The following ARHGAP39 variants were observed in gnomAD, a reference collection of about 807,000 sequenced individuals.
ARHGAP39 encodes Rho GTPase activating protein 39.
ARHGAP39 carries 44 observed loss-of-function variants against 106.9 expected under a neutral mutation model. The observed-to-expected ratio is 0.41, with a 90% CI of 0.32 to 0.53. The LOEUF is 0.53. Among genes scored for constraint, ARHGAP39 ranks in the 20% least tolerant of loss-of-function variants. ARHGAP39 has a pLI of 0.21. For synonymous variants in ARHGAP39, 768 were observed against 693.2 expected, an observed-to-expected ratio of 1.11 and a Z score of -1.69; for missense variants, 1,496 against 1,577.3, an observed-to-expected ratio of 0.95 and a Z score of 0.87.
At chr8:144,659,606 C>A (rs1450566604) in intron 1 of ARHGAP39, among the ~76,000 whole-genome samples, 1 of 152,170 alleles carries the variant, frequency 6.6e-6, no homozygotes, top group Non-Finnish European at 1.5e-5. Flanking sequence ...AGGACATTTT[C>A]TAGACTATTT....
chr8:144,533,916 G>T (rs1816836618), intron 8 of ARHGAP39, among the ~76,000 whole-genome samples: 1 of 152,154 alleles, frequency 6.6e-6, no homozygotes, highest in African/African-American at 2.4e-5. Context: ...CCTGAGCTGG[G>T]GGTCCGGGCC....
In ARHGAP39 at chr8:144,614,509, C is replaced by T. The variant is rs189662107; in HGVS notation, c.-81-8814G>A. 4.0e-3 allele frequency among the ~76,000 whole-genome samples: 614 copies of T among 152,238 alleles called. 5 individuals carry two copies. The highest frequency in any genetic ancestry group is 4.2e-3 in the Non-Finnish European group (288 of 68,000). On this transcript the variant is annotated intron_variant, in intron 1 of 11. Coordinates refer to ENST00000377307, the MANE Select transcript of ARHGAP39 (RefSeq NM_025251.3). ...CTGGGATTACAGGTGCATGCCACCACGCCCAGCTAATTTTTGTATTTTCAG... is the reference window on the plus strand; with the variant it reads ...CTGGGATTACAGGTGCATGCCACCATGCCCAGCTAATTTTTGTATTTTCAG...
chr8:144,648,694 T>C (rs538259035), intron 1 of ARHGAP39, among the ~76,000 whole-genome samples: 1 of 152,162 alleles, frequency 6.6e-6, no homozygotes, highest in Admixed American at 6.5e-5. Context: ...AGCTTCCCAA[T>C]GAATCTCTTG....
chr8:144,601,588 G>A (rs544354471), intron 2 of ARHGAP39, among the ~76,000 whole-genome samples: 331 of 144,342 alleles, frequency 2.3e-3, no homozygotes, highest in Non-Finnish European at 3.4e-3. Context: ...GTGCGTGGAG[G>A]TGTGTGTGCG....
rs1817591332 is a variant in ARHGAP39 at position 144,548,914 on chromosome 8, G to A, written c.597-425C>T. Among the ~76,000 whole-genome samples, 1 of 152,224 alleles carries A rather than the reference G, an allele frequency of 6.6e-6. No homozygotes were observed. Among genetic ancestry groups the A allele is most frequent in the Admixed American group, 6.5e-5 (1 of 15,280 alleles). On this transcript the variant is annotated intron_variant, in intron 4 of 11. Coordinates refer to ENST00000377307, the MANE Select transcript of ARHGAP39 (RefSeq NM_025251.3). The surrounding 1 kb of genome is among the most constrained non-coding windows in gnomAD (Gnocchi z 7.4). ...GTGGTCCAGGTGAGCCCAGCAGGAG[G>A]AAGGCACACCACCAGAATCCCACGG...
chr8:144,555,485 C>G, intron 4 of ARHGAP39, 75 bp downstream of exon 4: 3 of 1,292,758 alleles, frequency 2.3e-6, no homozygotes, highest in Non-Finnish European at 3.4e-6. Flanking sequence ...AGGCACCTCC[C>G]ACTTGCAGTT....
At position 144,670,596 on chromosome 8, in the gene ARHGAP39, G is replaced by A. The variant is rs1822077566; in HGVS notation, c.-82+15090C>T. ...CCTCACTTGTCCTGCCTCCCGCCCT[G>A]CTCCAGGCTCCCTGGGCTCCTGCCA... is the stretch of plus-strand genomic sequence containing the variant. On this transcript the variant is annotated intron_variant, in intron 1 of 11. Coordinates refer to ENST00000377307, the MANE Select transcript of ARHGAP39 (RefSeq NM_025251.3). This position sits in a 1 kb window ranked among gnomAD's most constrained non-coding sequence, Gnocchi z 4.4. Among the ~76,000 whole-genome samples the A allele has an allele frequency of 6.6e-6, 1 of 152,090 alleles. No individual in the cohort carries two copies. The highest frequency in any genetic ancestry group is 6.6e-5 in the Admixed American group (1 of 15,264).
Position 144,545,818 on chromosome 8 carries a change from G to C in ARHGAP39, c.1960-8C>G. 1 of 1,525,192 alleles carries C rather than the reference G, an allele frequency of 6.6e-7. No individual in the cohort carries two copies. Among genetic ancestry groups the C allele is most frequent in the Non-Finnish European group, 8.8e-7 (1 of 1,139,214 alleles). The allele number at this position is 1,525,192 out of a possible 1,614,324, so 94.5% of individuals were successfully genotyped here. A position where few individuals can be genotyped will look rare whatever the true frequency, so the allele number is the denominator to read the frequency against. ...GGCAGCGAGGTCCTCAGACTGAGAA[G>C]GACAAATGCGGCTGGGCTGTTGGGG... is the stretch of plus-strand genomic sequence containing the variant. On this transcript the variant is annotated splice_polypyrimidine_tract_variant and splice_region_variant and intron_variant, in intron 5 of 11. Coordinates refer to ENST00000377307, the MANE Select transcript of ARHGAP39 (RefSeq NM_025251.3).
upstream of ARHGAP39, among the ~76,000 whole-genome samples, chr8:144,687,062 G>A (rs62529943): frequency 6.5e-3 from 225 of 34,858 alleles, no homozygotes; most frequent in Middle Eastern, 0.029. Flanking sequence ...CCGTGACCAC[G>A]CACTGGCGGC....
upstream of ARHGAP39, among the ~76,000 whole-genome samples, chr8:144,688,837 A>G (rs1317958465): frequency 1.3e-5 from 2 of 152,208 alleles, no homozygotes; most frequent in Non-Finnish European, 2.9e-5. Flanking sequence ...CCAAAATGTT[A>G]ATAATCTTAA....
intron 1 of ARHGAP39, among the ~76,000 whole-genome samples, chr8:144,620,820 T>C (rs973751728): frequency 6.6e-6 from 1 of 152,252 alleles, no homozygotes; most frequent in Non-Finnish European, 1.5e-5. Context: ...AGGCAGGGAC[T>C]GTGAGTACAG....
intron 1 of ARHGAP39, among the ~76,000 whole-genome samples, chr8:144,607,346 A>C (rs1041361197): frequency 3.9e-5 from 6 of 152,070 alleles, no homozygotes; most frequent in Non-Finnish European, 8.8e-5. Flanking sequence ...TAGAAATCAG[A>C]ACCCATGGCC....
chr8:144,685,632 C>T (rs1822569486), intron 1 of ARHGAP39, among the ~76,000 whole-genome samples, 54 bp downstream of exon 1: 1 of 148,846 alleles, frequency 6.7e-6, no homozygotes, highest in Non-Finnish European at 1.5e-5. Context: ...AGCGCCGGCC[C>T]CTCCGCCATC....
chr8:144,534,413 G>A (rs960768239), intron 7 of ARHGAP39, among the ~76,000 whole-genome samples: 4 of 152,184 alleles, frequency 2.6e-5, no homozygotes, highest in Non-Finnish European at 4.4e-5. Context: ...CCTGCAGAGG[G>A]ACAGGCTTGG....
intron 6 of ARHGAP39, among the ~76,000 whole-genome samples, chr8:144,542,316 G>C (rs1564837363): frequency 6.6e-6 from 1 of 152,322 alleles, no homozygotes; most frequent in South Asian, 2.1e-4. Flanking sequence ...TAAGCTGGGG[G>C]CATCACCTCG....
At chr8:144,579,134 G>A (rs1422013686) in intron 3 of ARHGAP39, among the ~76,000 whole-genome samples, 1 of 146,838 alleles carries the variant, frequency 6.8e-6, no homozygotes, top group East Asian at 2.0e-4. Flanking sequence ...CCCGGGAGGC[G>A]GAACTTGCAG....
At chr8:144,610,857 C>T (rs879876339) in intron 1 of ARHGAP39, among the ~76,000 whole-genome samples, 1 of 152,086 alleles carries the variant, frequency 6.6e-6, no homozygotes, top group Non-Finnish European at 1.5e-5. Context: ...CACTCTGTCA[C>T]CCAGGCTGGA....
intron 3 of ARHGAP39, among the ~76,000 whole-genome samples, chr8:144,577,695 T>G (rs1242993183): frequency 1.3e-5 from 2 of 152,102 alleles, no homozygotes; most frequent in Non-Finnish European, 2.9e-5. Flanking sequence ...CAATACAAGA[T>G]CAACACACAA....
At chr8:144,630,807 C>T (rs1563716320) in intron 1 of ARHGAP39, among the ~76,000 whole-genome samples, 1 of 152,266 alleles carries the variant, frequency 6.6e-6, no homozygotes. Context: ...GCCTTGCTCA[C>T]GGACTTCCCA....
Sources: allele counts gnomAD v4.1 joint callset (sites outside exome capture counted in the v4.1 genomes callset), GRCh38; gene constraint gnomAD v4.1.1; non-coding constraint Gnocchi (gnomAD v3.1); transcripts MANE v1.5; gene names NCBI Gene and HGNC (gene_info 2026-07-23, HGNC 2026-07-21).